The following MAPK8IP3 variants were observed in gnomAD, a reference collection of about 807,000 sequenced individuals.
MAPK8IP3 encodes the protein mitogen-activated protein kinase 8 interacting protein 3.
In MAPK8IP3, 49 loss-of-function variants were observed where a neutral mutation model predicts 157.8. The observed-to-expected ratio is 0.31, with a 90% CI of 0.25 to 0.39. The LOEUF is 0.39. Ranked by LOEUF, MAPK8IP3 falls within the 10% of genes least tolerant of loss-of-function variation. The pLI, the probability that MAPK8IP3 is intolerant of heterozygous loss-of-function variation, is 1.00. For synonymous variants in MAPK8IP3, 897 were observed against 777.7 expected (o/e 1.15, Z -2.55); for missense variants, 1,478 against 1,889.4 (o/e 0.78, Z 4.04).
intron 1 of MAPK8IP3, among the ~76,000 whole-genome samples, chr16:1,708,909 T>C (rs1230501266): frequency 6.6e-6 from 1 of 152,222 alleles, no homozygotes; most frequent in African/African-American, 2.4e-5. Flanking sequence ...TCCAACTTTG[T>C]AGACCATTGT....
chr16:1,752,337 G>A, intron 8 of MAPK8IP3: 1 of 224,280 alleles, frequency 4.5e-6, no homozygotes, highest in South Asian at 3.9e-5. Context: ...ACCCTACTCT[G>A]CAGGGTGCTG....
rs534282028 is a variant in MAPK8IP3, at chr16:1,768,905, A to C, written c.*81A>C. The C allele has an allele frequency of 4.3e-5, 65 of 1,523,484 alleles. 1 individual carries two copies. The South Asian group carries it at 7.5e-4, about 18-fold the overall frequency. 94.4% of individuals were successfully genotyped at this position (1,523,484 alleles called of 1,614,324 possible). On this transcript the variant is annotated 3_prime_UTR_variant, in exon 32 of 32. Transcript: ENST00000610761. ...CGCCCGGCCCGCGGGGTAGCCAGCC[A>C]GGCGCCGCCGCCCCTCTTCTAACCT...
rs369683405 is a variant in MAPK8IP3, at chr16:1,719,746, T to C, written c.319-4811T>C. ...CTGTGGGCCCAGCTACTCAGGAGAC[T>C]GAGATGGGAGGATCGCTTGAGCCCG... On this transcript the variant is annotated intron_variant, in intron 1 of 31. Transcript: ENST00000610761. Among the ~76,000 whole-genome samples the C allele has an allele frequency of 2.5e-4, 37 of 148,552 alleles. No homozygotes were observed. In the East Asian group the frequency reaches 4.1e-3, roughly 17 times the overall value.
chr16:1,764,904 G>A, intron 19 of MAPK8IP3, 109 bp from the exon 20 acceptor site: 1 of 1,098,304 alleles, frequency 9.1e-7, no homozygotes, highest in Non-Finnish European at 1.3e-6. Context: ...GTCCCCTCAA[G>A]CTGTAGTCAA....
intron 3 of MAPK8IP3, 64 bp downstream of exon 3, chr16:1,729,272 G>A (rs1178213369): frequency 3.2e-6 from 5 of 1,542,108 alleles, no homozygotes; most frequent in South Asian, 2.2e-5. Context: ...TGACGCCTGC[G>A]ACTCTTGCGG....
At chr16:1,736,441 T>C (rs1287818045) in intron 4 of MAPK8IP3, among the ~76,000 whole-genome samples, 51 of 41,692 alleles carry the variant, frequency 1.2e-3, no homozygotes, top group South Asian at 4.1e-3. Flanking sequence ...AGCGTGTGAC[T>C]GTCCGTGTGA....
chr16:1,758,080 GT>G lies in MAPK8IP3; in HGVS notation c.1217-66del. ...TTTCTGTAATAAGAATGTATTGTTA[GT>G]TCCAGTCCCTAATTGACCTTTGTCC... is the stretch of plus-strand genomic sequence containing the variant. On this transcript the variant is annotated intron_variant, in intron 8 of 31. Coordinates refer to ENST00000610761, the MANE Select transcript of MAPK8IP3 (RefSeq NM_001318852.2). 2.6e-6 allele frequency: 4 copies of G among 1,528,658 alleles called. No individual in the cohort carries two copies. In the South Asian group the frequency reaches 4.5e-5, roughly 17 times the overall value. 94.7% of individuals were successfully genotyped at this position (1,528,658 alleles called of 1,614,324 possible). A position where few individuals can be genotyped will look rare whatever the true frequency, so the allele number is the denominator to read the frequency against.
rs745727699 is a variant in MAPK8IP3, at chr16:1,767,668, C to T, written c.3342C>T (p.Leu1114=). The T allele has an allele frequency of 6.2e-7, 1 of 1,612,782 alleles. No homozygotes were observed. The highest frequency in any genetic ancestry group is 1.7e-5 in the Admixed American group (1 of 60,016). Residue 1114 remains leucine, a synonymous_variant, in exon 27 of 32, where the codon CTC becomes CTT. Coordinates refer to ENST00000610761, the MANE Select transcript of MAPK8IP3 (RefSeq NM_001318852.2). ...TCCGCCTGGACTCCACCCTGAGGCT[C>T]TACCATGCACACACGCACCAGCATC... is the stretch of plus-strand genomic sequence containing the variant. ...VSIRLDSTLR[L]YHAHTHQHLQ...
Position 1,724,767 on chromosome 16 carries a change from CA to C in MAPK8IP3, c.439+92del. On this transcript the variant is annotated intron_variant, in intron 2 of 31. Transcript: ENST00000610761. The surrounding 1 kb of genome is among the most constrained non-coding windows in gnomAD (Gnocchi z 4.1). ...GGGTGGGCATGGAGCGCCTTCCACA[CA>C]AGGGGACGAGAGGAAGCCCAGTGGG... 2 of 1,529,890 alleles carry C rather than the reference CA, an allele frequency of 1.3e-6. No individual in the cohort carries two copies. Among genetic ancestry groups the C allele is most frequent in the South Asian group, 2.4e-5 (2 of 85,028 alleles). The allele number at this position is 1,529,890 out of a possible 1,614,324, so 94.8% of individuals were successfully genotyped here. A position where few individuals can be genotyped will look rare whatever the true frequency, so the allele number is the denominator to read the frequency against.
intron 4 of MAPK8IP3, among the ~76,000 whole-genome samples, chr16:1,736,343 CGTGTGACCGTCCGT>C (rs1286962777): frequency 1.5e-5 from 1 of 64,782 alleles, no homozygotes; most frequent in Non-Finnish European, 2.9e-5. Context: ...TCCGTGTGAG[CGTGTGACCGTCCGT>C]GTGTGACCGT....
chr16:1,736,583 C>A (rs1489980122), intron 4 of MAPK8IP3, among the ~76,000 whole-genome samples: 12 of 50,096 alleles, frequency 2.4e-4, no homozygotes, highest in South Asian at 1.4e-3. Flanking sequence ...TCCGTGTGAG[C>A]GTGTGACCAT....
At position 1,769,181 on chromosome 16, in the gene MAPK8IP3, G is replaced by T; in HGVS notation, c.*357G>T. On this transcript the variant is annotated 3_prime_UTR_variant, in exon 32 of 32. Transcript: ENST00000610761. ...GGGCCTCCTACTCCCCAGCACCCCT[G>T]GAGGAGGCAGGGGCTCCCCGCCGCC... 3.6e-6 allele frequency: 1 copy of T among 280,346 alleles called. No homozygotes were observed. Among genetic ancestry groups the T allele is most frequent in the Non-Finnish European group, 6.9e-6 (1 of 144,720 alleles). 17.4% of individuals were successfully genotyped at this position (280,346 alleles called of 1,614,324 possible).
chr16:1,711,959 A>G (rs1015886647), intron 1 of MAPK8IP3, among the ~76,000 whole-genome samples: 9 of 148,838 alleles, frequency 6.0e-5, no homozygotes, highest in African/African-American at 2.2e-4. Flanking sequence ...AAAAAAAAAG[A>G]AAAAAAAAGA....
chr16:1,758,063 A>G, intron 8 of MAPK8IP3, 85 bp from the exon 9 acceptor site: 1 of 1,380,044 alleles, frequency 7.2e-7, no homozygotes, highest in Non-Finnish European at 1.0e-6. Context: ...GTTTTCTGTA[A>G]TAAGAATGTA....
rs2038762176 is a variant in MAPK8IP3, at chr16:1,724,795, G to A, written c.439+118G>A. On this transcript the variant is annotated intron_variant, in intron 2 of 31. Transcript: ENST00000610761. This position sits in a 1 kb window ranked among gnomAD's most constrained non-coding sequence, Gnocchi z 4.1. The stretch of plus-strand genomic sequence containing the variant: ...GGGGACGAGAGGAAGCCCAGTGGGA[G>A]CCTCAGCCATGTATTCCAGCTCTTT... 1 of 1,354,382 alleles carries A rather than the reference G, an allele frequency of 7.4e-7. No individual in the cohort carries two copies. 83.9% of individuals were successfully genotyped at this position (1,354,382 alleles called of 1,614,324 possible). A position where few individuals can be genotyped will look rare whatever the true frequency, so the allele number is the denominator to read the frequency against.
intron 8 of MAPK8IP3, chr16:1,748,948 C>T (rs935698186): frequency 7.3e-6 from 5 of 686,644 alleles, no homozygotes; most frequent in African/African-American, 7.0e-5. Flanking sequence ...TCTCAAGTCC[C>T]TGCTCTGAAG....
intron 1 of MAPK8IP3, among the ~76,000 whole-genome samples, chr16:1,718,277 C>T (rs887282284): frequency 9.9e-5 from 15 of 151,538 alleles, no homozygotes; most frequent in African/African-American, 3.4e-4. Flanking sequence ...CTCTGCCTCC[C>T]GTGTTCAAGA....
Position 1,748,611 on chromosome 16 carries a change from G to A in MAPK8IP3, c.1107G>A (p.Gln369=), listed in dbSNP as rs553407157. 4.9e-5 allele frequency: 79 copies of A among 1,613,880 alleles called. No individual in the cohort carries two copies. The South Asian group carries it at 8.5e-4, about 17-fold the overall frequency. The change falls in exon 8 of 32, where the codon CAG becomes CAA. Residue 369 remains glutamine (Q), a synonymous_variant. Coordinates refer to ENST00000610761, the MANE Select transcript of MAPK8IP3 (RefSeq NM_001318852.2). The part of the protein sequence containing the change: ...RLDRTGSSPT[Q]GIVNKAFGIN... Reference sequence around the variant, plus strand: ...CTGTGGATCCCAACAGCCCAACCCAGGGCATCGTGAACAAAGCTTTCGGCA... The same window carrying A: ...CTGTGGATCCCAACAGCCCAACCCAAGGCATCGTGAACAAAGCTTTCGGCA...
intron 4 of MAPK8IP3, among the ~76,000 whole-genome samples, chr16:1,737,054 G>A (rs1436740003): frequency 1.1e-5 from 1 of 89,654 alleles, no homozygotes. Flanking sequence ...GTGACCGTCC[G>A]TGTGAGCGTC....
Sources: allele counts gnomAD v4.1 joint callset (sites outside exome capture counted in the v4.1 genomes callset), GRCh38; gene constraint gnomAD v4.1.1; non-coding constraint Gnocchi (gnomAD v3.1); transcripts MANE v1.5; gene names NCBI Gene and HGNC (gene_info 2026-07-23, HGNC 2026-07-21).